LRPAP1: variants seen among roughly 807,000 people sequenced by gnomAD.
LRPAP1 encodes alpha-2-macroglobulin receptor-associated protein.
In LRPAP1, 41 loss-of-function variants were observed where a neutral mutation model predicts 39.9. The observed-to-expected ratio is 1.03, with a 90% CI of 0.80 to 1.33. The LOEUF (loss-of-function observed/expected upper bound fraction) is 1.33, where lower values mean the gene tolerates loss of function less well. Among genes scored for constraint, LRPAP1 ranks in the 40% most tolerant of loss-of-function variants. LRPAP1 has a pLI of 0.00. For synonymous variants in LRPAP1, 263 were observed against 212.7 expected, an observed-to-expected ratio of 1.24 and a Z score of -2.06; for missense variants, 565 against 482.3, an observed-to-expected ratio of 1.17 and a Z score of -1.61.
rs1729514451 is a variant in LRPAP1, at chr4:3,511,553, TGGG to T, written c.*1418_*1420del. 1 of 152,282 alleles carries T rather than the reference TGGG, an allele frequency of 6.6e-6. No homozygotes were observed. Among genetic ancestry groups the T allele is most frequent in the Admixed American group, 6.5e-5 (1 of 15,284 alleles). The allele number at this position is 152,282 out of a possible 1,614,324, so 9.4% of individuals were successfully genotyped here. A position where few individuals can be genotyped will look rare whatever the true frequency, so the allele number is the denominator to read the frequency against. On this transcript the variant is annotated 3_prime_UTR_variant, in exon 8 of 8. Transcript: ENST00000650182. Reference sequence around the variant, plus strand: ...GAACAGGCACCCACATGCTGTACCCTGGGGCCCTTCCAACCCTGATGCGCCAAC... The same window carrying T: ...GAACAGGCACCCACATGCTGTACCCTGCCCTTCCAACCCTGATGCGCCAAC...
Position 3,511,602 on chromosome 4 carries a change from C to T in LRPAP1, c.*1372G>A, listed in dbSNP as rs1343728635. On this transcript the variant is annotated 3_prime_UTR_variant, in exon 8 of 8. Coordinates refer to ENST00000650182, the MANE Select transcript of LRPAP1 (RefSeq NM_002337.4). Reference sequence around the variant, plus strand: ...CCAACTCCCGACATGCTGCCTCTAGCCTTGACCTTTCTCAGAAATGATAGC... The same window carrying T: ...CCAACTCCCGACATGCTGCCTCTAGTCTTGACCTTTCTCAGAAATGATAGC... 6.6e-6 allele frequency: 1 copy of T among 152,330 alleles called. No individual in the cohort carries two copies. The highest frequency in any genetic ancestry group is 2.4e-5 in the African/African-American group (1 of 41,448). 9.4% of individuals were successfully genotyped at this position (152,330 alleles called of 1,614,324 possible).
chr4:3,512,798 C>T lies in LRPAP1; in HGVS notation c.*176G>A. 1 of 602,936 alleles carries T rather than the reference C, an allele frequency of 1.7e-6. No individual in the cohort carries two copies. Among genetic ancestry groups the T allele is most frequent in the East Asian group, 2.8e-5 (1 of 35,870 alleles). 37.3% of individuals were successfully genotyped at this position (602,936 alleles called of 1,614,324 possible). ...ATCTCAGACCCAAATGCTACCACCACCAAGCCCTGTGTCGCGACGGCAGCG... is the reference window on the plus strand; with the variant it reads ...ATCTCAGACCCAAATGCTACCACCATCAAGCCCTGTGTCGCGACGGCAGCG... On this transcript the variant is annotated 3_prime_UTR_variant, in exon 8 of 8. Coordinates refer to ENST00000650182, the MANE Select transcript of LRPAP1 (RefSeq NM_002337.4).
chr4:3,514,291 T>C (rs1358484034), intron 7 of LRPAP1, among the ~76,000 whole-genome samples: 5 of 152,238 alleles, frequency 3.3e-5, no homozygotes, highest in Non-Finnish European at 5.9e-5. Flanking sequence ...CAGAAAGAAC[T>C]TGGCATGAGC....
At position 3,518,100 on chromosome 4, in the gene LRPAP1, G is replaced by A. The variant is rs777028219; in HGVS notation, c.685C>T (p.Arg229Cys). ...SRHTELKEKL[R>C]SINQGLDRLR... ...CGGTCCAGGCCCTGGTTGATGCTGC[G>A]CAGCTTCTCCTTCAGCTCCGTGTGC... Residue 229 changes from arginine (R) to cysteine (C), a missense_variant, in exon 5 of 8, where the codon CGC becomes TGC. Physicochemically the swap from Arg to Cys is radical, Grantham distance 180. Transcript: ENST00000650182. The A allele has an allele frequency of 1.9e-5, 31 of 1,613,404 alleles. No individual in the cohort carries two copies. Among genetic ancestry groups the A allele is most frequent in the East Asian group, 4.5e-5 (2 of 44,884 alleles).
rs1464198959 is a variant in LRPAP1 at position 3,504,715 on chromosome 4, A to C, written c.*8259T>G. On this transcript the variant is annotated 3_prime_UTR_variant, in exon 8 of 8. Coordinates refer to ENST00000650182, the MANE Select transcript of LRPAP1 (RefSeq NM_002337.4). ...CAGTGAGCCAAGATTGCGCCATTGC[A>C]CTGCAGCCTGAGCAATTGAGATTCC... 7.2e-6 allele frequency among the ~76,000 whole-genome samples: 1 copy of C among 138,242 alleles called. No homozygotes were observed. The highest frequency in any genetic ancestry group is 1.5e-5 in the Non-Finnish European group (1 of 65,168). 90.7% of individuals were successfully genotyped at this position (138,242 alleles called of 152,430 possible).
intron 3 of LRPAP1, 57 bp from the exon 4 acceptor site, chr4:3,519,048 G>T (rs11934213): frequency 6.3e-7 from 1 of 1,586,506 alleles, no homozygotes. Flanking sequence ...GGCCAGGGCC[G>T]CTCTTCAGCC....
At chr4:3,515,139 G>A (rs1017035482) in intron 6 of LRPAP1, among the ~76,000 whole-genome samples, 4 of 152,290 alleles carry the variant, frequency 2.6e-5, no homozygotes, top group Admixed American at 6.5e-5. Context: ...GCCCTAAGCC[G>A]ACCCCTTCCC....
rs1406893277 is a variant in LRPAP1 at position 3,512,911 on chromosome 4, CG to C, written c.*62del. 2.7e-6 allele frequency: 4 copies of C among 1,480,570 alleles called. No homozygotes were observed. Among genetic ancestry groups the C allele is most frequent in the Admixed American group, 2.0e-5 (1 of 48,840 alleles). The allele number at this position is 1,480,570 out of a possible 1,614,324, so 91.7% of individuals were successfully genotyped here. ...CGGCGGGCTGTCCACGGAAATGCCA[CG>C]GCCAAGAGCCCAGGTCCTTCACGCT... is the stretch of plus-strand genomic sequence containing the variant. On this transcript the variant is annotated 3_prime_UTR_variant, in exon 8 of 8. Transcript: ENST00000650182.
chr4:3,519,979 C>G (rs1479717003), intron 3 of LRPAP1, 93 bp downstream of exon 3: 1 of 1,478,598 alleles, frequency 6.8e-7, no homozygotes, highest in African/African-American at 1.4e-5. Flanking sequence ...CCCCGGCTCC[C>G]ATGCAGAGCA....
chr4:3,507,343 C>G lies in LRPAP1; in HGVS notation c.*5631G>C, dbSNP rs1729384953. On this transcript the variant is annotated 3_prime_UTR_variant, in exon 8 of 8. Coordinates refer to ENST00000650182, the MANE Select transcript of LRPAP1 (RefSeq NM_002337.4). ...ACAAAAAGGTGTCATGCCTCTGGCA[C>G]CAGGGAAGTGCAAGTTACTACAAAA... 1 of 152,174 alleles carries G rather than the reference C, an allele frequency of 6.6e-6. No individual in the cohort carries two copies. Among genetic ancestry groups the G allele is most frequent in the African/African-American group, 2.4e-5 (1 of 41,436 alleles). The allele number at this position is 152,174 out of a possible 1,614,324, so 9.4% of individuals were successfully genotyped here. A position where few individuals can be genotyped will look rare whatever the true frequency, so the allele number is the denominator to read the frequency against.
In LRPAP1 at chr4:3,509,247, C is replaced by G. The variant is rs1729445334; in HGVS notation, c.*3727G>C. ...AGACTGTTGAGACGCCGACTGGAGT[C>G]ACACACGGCAGTCAACGCGTGGACA... On this transcript the variant is annotated 3_prime_UTR_variant, in exon 8 of 8. Transcript: ENST00000650182. 2.7e-5 allele frequency: 4 copies of G among 150,374 alleles called. No individual in the cohort carries two copies. The highest frequency in any genetic ancestry group is 4.4e-5 in the Non-Finnish European group (3 of 67,738). The allele number at this position is 150,374 out of a possible 1,614,324, so 9.3% of individuals were successfully genotyped here.
chr4:3,520,240 C>G, intron 2 of LRPAP1, 47 bp from the exon 3 acceptor site: 1 of 1,590,750 alleles, frequency 6.3e-7, no homozygotes, highest in Non-Finnish European at 8.6e-7. Flanking sequence ...CTGTGAAAAA[C>G]AGTCAAAAGC....
In LRPAP1 at chr4:3,515,135, A is replaced by G. The variant is rs532286409; in HGVS notation, c.835-207T>C. On this transcript the variant is annotated intron_variant, in intron 6 of 7. Transcript: ENST00000650182. ...AGCCCGCGCCTCCTTGGCAGCCCTA[A>G]GCCGACCCCTTCCCTGTCTCTGCAA... 3.3e-5 allele frequency among the ~76,000 whole-genome samples: 5 copies of G among 152,278 alleles called. No homozygotes were observed. In the South Asian group the frequency reaches 1.0e-3, roughly 32 times the overall value.
chr4:3,514,629 G>T, intron 7 of LRPAP1, 123 bp downstream of exon 7: 1 of 1,286,858 alleles, frequency 7.8e-7, no homozygotes, highest in Non-Finnish European at 1.1e-6. Context: ...GTTCAACTCG[G>T]ACAGGGAAGA....
chr4:3,507,249 A>T lies in LRPAP1; in HGVS notation c.*5725T>A, dbSNP rs1386710448. 6.6e-6 allele frequency: 1 copy of T among 152,192 alleles called. No individual in the cohort carries two copies. Among genetic ancestry groups the T allele is most frequent in the Non-Finnish European group, 1.5e-5 (1 of 68,040 alleles). The allele number at this position is 152,192 out of a possible 1,614,324, so 9.4% of individuals were successfully genotyped here. A position where few individuals can be genotyped will look rare whatever the true frequency, so the allele number is the denominator to read the frequency against. On this transcript the variant is annotated 3_prime_UTR_variant, in exon 8 of 8. Coordinates refer to ENST00000650182, the MANE Select transcript of LRPAP1 (RefSeq NM_002337.4). ...AAAAAAGACAAGATTTCCAAGACCCAGTTTTTTAAATAGGCAAAAGAATTA... is the reference window on the plus strand; with the variant it reads ...AAAAAAGACAAGATTTCCAAGACCCTGTTTTTTAAATAGGCAAAAGAATTA...
rs1729562353 is a variant in LRPAP1, at chr4:3,512,614, T to C, written c.*360A>G. 7.7e-6 allele frequency: 2 copies of C among 261,212 alleles called. No individual in the cohort carries two copies. The highest frequency in any genetic ancestry group is 2.2e-5 in the African/African-American group (1 of 45,390). 16.2% of individuals were successfully genotyped at this position (261,212 alleles called of 1,614,324 possible). On this transcript the variant is annotated 3_prime_UTR_variant, in exon 8 of 8. Transcript: ENST00000650182. ...TTTTTAAGGACTCTGTGCATGGTAT[T>C]TCCGGTGGCAGATGTGTAAGATTTT...
intron 1 of LRPAP1, among the ~76,000 whole-genome samples, chr4:3,526,705 G>C (rs1730088140): frequency 6.6e-6 from 1 of 152,182 alleles, no homozygotes; most frequent in Admixed American, 6.5e-5. Context: ...CCACACTCCG[G>C]AACCTCCTCG....
chr4:3,530,090 G>A (rs965745589), intron 1 of LRPAP1, among the ~76,000 whole-genome samples: 9 of 152,130 alleles, frequency 5.9e-5, no homozygotes, highest in African/African-American at 1.9e-4. Context: ...GTAAGAAGCC[G>A]ACTGGAGTGA....
At chr4:3,525,950 C>CCG (rs1192677151) in intron 1 of LRPAP1, among the ~76,000 whole-genome samples, 1 of 152,154 alleles carries the variant, frequency 6.6e-6, no homozygotes, top group Admixed American at 6.5e-5. Context: ...GCTGGCCCGG[C>CCG]CGCTAAGAGG....
Sources: gnomAD v4.1 joint callset for allele counts (sites outside exome capture counted in the v4.1 genomes callset) on GRCh38, gnomAD v4.1.1 for gene constraint, MANE v1.5 for transcripts, NCBI Gene and HGNC (gene_info 2026-07-23, HGNC 2026-07-21) for gene names.